Variants in KRT86 observed in about 807,000 individuals in gnomAD.
KRT86 encodes keratin, type II cuticular Hb6.
Under a neutral mutation model 41.2 loss-of-function variants are expected in KRT86, and 30 were observed. The observed-to-expected ratio is 0.73, with a 90% CI of 0.54 to 0.99. The LOEUF is 0.99. Ranked by LOEUF, KRT86 falls within the 50% of genes least tolerant of loss-of-function variation. KRT86 has a pLI of 0.00. For synonymous variants in KRT86, 238 were observed against 238.1 expected, an observed-to-expected ratio of 1.00 and a Z score of 0.00; for missense variants, 561 against 571.4, an observed-to-expected ratio of 0.98 and a Z score of 0.19.
intron 2 of KRT86, among the ~76,000 whole-genome samples, chr12:52,294,817 T>G (rs1232006095): frequency 2.0e-5 from 3 of 152,218 alleles, no homozygotes; most frequent in African/African-American, 4.8e-5. Flanking sequence ...TTAGAACCAA[T>G]GCACCCATCT....
chr12:52,284,034 G>A (rs903310319), intron 2 of KRT86, among the ~76,000 whole-genome samples: 3 of 152,124 alleles, frequency 2.0e-5, no homozygotes, highest in African/African-American at 4.8e-5. Flanking sequence ...AGTGAAATAC[G>A]GCAGGTCACT....
At chr12:52,276,477 A>G (rs2121189545) in intron 2 of KRT86, among the ~76,000 whole-genome samples, 1 of 152,236 alleles carries the variant, frequency 6.6e-6, no homozygotes, top group South Asian at 2.1e-4. Context: ...CATCCTTTGG[A>G]TGTGAGGCAG....
chr12:52,279,678 G>A (rs1320959698), intron 2 of KRT86, among the ~76,000 whole-genome samples: 1 of 152,168 alleles, frequency 6.6e-6, no homozygotes, highest in Non-Finnish European at 1.5e-5. Context: ...GGGTCTATGT[G>A]ACTTAAGTAT....
intron 10 of KRT86, 43 bp from the exon 11 acceptor site, chr12:52,308,361 C>A (rs1371497421): frequency 6.2e-7 from 1 of 1,611,550 alleles, no homozygotes; most frequent in South Asian, 1.1e-5. Context: ...TCACCCAGGT[C>A]GCGGCTGCGC....
At chr12:52,298,724 G>A (rs1317569151) in intron 2 of KRT86, among the ~76,000 whole-genome samples, 2 of 152,216 alleles carry the variant, frequency 1.3e-5, no homozygotes, top group African/African-American at 2.4e-5. Flanking sequence ...GCTAGAATTC[G>A]AAACGAGGCA....
At chr12:52,288,424 G>T (rs1342373024) in intron 2 of KRT86, 4 of 1,614,082 alleles carry the variant, frequency 2.5e-6, no homozygotes, top group Non-Finnish European at 3.4e-6. Flanking sequence ...TGGCCTCCAG[G>T]TCTGACTTGC....
At chr12:52,282,607 G>A (rs1314506679) in intron 2 of KRT86, among the ~76,000 whole-genome samples, 2 of 152,224 alleles carry the variant, frequency 1.3e-5, no homozygotes, top group African/African-American at 4.8e-5. Flanking sequence ...CCCACCTGGA[G>A]TGAGAGTGAC....
chr12:52,286,268 C>T (rs1937926358), intron 2 of KRT86: 2 of 1,553,788 alleles, frequency 1.3e-6, no homozygotes, highest in Non-Finnish European at 1.7e-6. Context: ...ACATTTCCGG[C>T]AGCTGCTGCC....
At chr12:52,277,277 G>T (rs78874928) in intron 2 of KRT86, among the ~76,000 whole-genome samples, 2,457 of 152,022 alleles carry the variant, frequency 0.016, 73 homozygotes, top group African/African-American at 0.056. Flanking sequence ...ATCCTAGATA[G>T]CCGGTTTCAA....
At chr12:52,278,199 T>A (rs1164911447) in intron 2 of KRT86, among the ~76,000 whole-genome samples, 1 of 152,180 alleles carries the variant, frequency 6.6e-6, no homozygotes, top group African/African-American at 2.4e-5. Context: ...TGATCACCCA[T>A]GCCACAGGCA....
chr12:52,305,269 A>G lies in KRT86; in HGVS notation c.765A>G (p.Ser255=), dbSNP rs748444485. The G allele has an allele frequency of 1.4e-5, 22 of 1,614,204 alleles. No homozygotes were observed. In the Middle Eastern group the frequency reaches 6.6e-4, roughly 48 times the overall value. Reference sequence around the variant, plus strand: ...TCCGCGTTCTCCAGTCCCACATCTCAGACACCTCCGTGGTTGTCAAGCTGG... The same window carrying G: ...TCCGCGTTCTCCAGTCCCACATCTCGGACACCTCCGTGGTTGTCAAGCTGG... ...EEIRVLQSHI[S]DTSVVVKLDN... Residue 255 remains serine (S), a synonymous_variant, in exon 7 of 11, where the codon TCA becomes TCG. Coordinates refer to ENST00000423955, the MANE Select transcript of KRT86 (RefSeq NM_001320198.2).
chr12:52,278,438 G>GTT (rs10684723), intron 2 of KRT86, among the ~76,000 whole-genome samples: 50,110 of 127,636 alleles, frequency 0.39, 10,071 homozygotes, highest in Non-Finnish European at 0.45. Context: ...AGAAAGTGTA[G>GTT]TTTTTTTTTT....
rs367868606 is a variant in KRT86, at chr12:52,286,443, C to T, written c.-5+10497C>T. ...ACACTGCCAGTCACTGGCCGGGAGC[C>T]TGACACGCAGAGGTCCCCGCACACG... On this transcript the variant is annotated intron_variant, in intron 2 of 10. Transcript: ENST00000423955. The T allele has an allele frequency of 1.7e-5, 26 of 1,552,810 alleles. No individual in the cohort carries two copies. The African/African-American group carries it at 3.4e-4, about 20-fold the overall frequency.
At chr12:52,280,239 C>T (rs1023668266) in intron 2 of KRT86, among the ~76,000 whole-genome samples, 7 of 152,160 alleles carry the variant, frequency 4.6e-5, no homozygotes, top group African/African-American at 1.7e-4. Context: ...TCTGTCTCTA[C>T]TTCAGATCCA....
At chr12:52,291,393 A>G (rs1243535753) in intron 2 of KRT86, 1 of 1,608,756 alleles carries the variant, frequency 6.2e-7, no homozygotes, top group African/African-American at 1.3e-5. Flanking sequence ...GTGATGCAGC[A>G]GCGGCCGGGC....
chr12:52,279,132 C>T (rs1264455304), intron 2 of KRT86: 4 of 152,238 alleles, frequency 2.6e-5, no homozygotes, highest in Admixed American at 2.0e-4. Flanking sequence ...GCTCCGGCGC[C>T]CTGGAGACGA....
Position 52,308,326 on chromosome 12 carries a change from G to A in KRT86, c.1279+62G>A, listed in dbSNP as rs1938564423. 9 of 1,613,296 alleles carry A rather than the reference G, an allele frequency of 5.6e-6. No homozygotes were observed. In the South Asian group the frequency reaches 9.9e-5, roughly 18 times the overall value. On this transcript the variant is annotated intron_variant, in intron 10 of 10. Transcript: ENST00000423955. ...GGGTCTGGGAGCCTCTGGGCAAAGG[G>A]CGCGTGGGCTCGCAGCAAAGCCACT...
At chr12:52,298,650 T>A (rs1243140972) in intron 2 of KRT86, among the ~76,000 whole-genome samples, 1 of 152,212 alleles carries the variant, frequency 6.6e-6, no homozygotes, top group East Asian at 1.9e-4. Context: ...ATTTTAGAAA[T>A]CATGAAATGA....
intron 2 of KRT86, 74 bp from the exon 3 acceptor site, chr12:52,301,839 C>A (rs1242601978): frequency 7.4e-6 from 12 of 1,613,102 alleles, no homozygotes; most frequent in Non-Finnish European, 9.3e-6. Context: ...AAGTAGTGAA[C>A]GCCTGACGCC....
Sources: allele counts gnomAD v4.1 joint callset (sites outside exome capture counted in the v4.1 genomes callset), GRCh38; gene constraint gnomAD v4.1.1; transcripts MANE v1.5; gene names NCBI Gene and HGNC (gene_info 2026-07-23, HGNC 2026-07-21).